CHRM2: variants seen among roughly 807,000 people sequenced by gnomAD.
The protein encoded by CHRM2 is cholinergic receptor muscarinic 2, also known as muscarinic acetylcholine receptor M2.
CHRM2 carries 8 observed loss-of-function variants against 25.0 expected under a neutral mutation model. That is an observed-to-expected ratio of 0.32 (90% confidence interval 0.19 to 0.58). CHRM2 has a LOEUF of 0.58. CHRM2 is among the 20% of genes least tolerant of loss of function. The pLI is 0.88. For synonymous variants in CHRM2, 202 were observed against 205.7 expected (o/e 0.98, Z 0.15); for missense variants, 440 against 567.1 (o/e 0.78, Z 2.28).
intron 2 of CHRM2, among the ~76,000 whole-genome samples, chr7:136,932,072 T>C (rs1212642515): frequency 6.6e-6 from 1 of 152,148 alleles, no homozygotes; most frequent in Non-Finnish European, 1.5e-5. Flanking sequence ...AGGTTGTATT[T>C]GGTGGGATAA....
At chr7:136,943,441 G>A (rs1363838631) in intron 2 of CHRM2, among the ~76,000 whole-genome samples, 2 of 152,116 alleles carry the variant, frequency 1.3e-5, no homozygotes, top group Non-Finnish European at 2.9e-5. Context: ...TTCTGTCACT[G>A]GAATAGCATT....
At chr7:136,944,038 C>T (rs1799922019) in intron 2 of CHRM2, among the ~76,000 whole-genome samples, 1 of 152,148 alleles carries the variant, frequency 6.6e-6, no homozygotes, top group Non-Finnish European at 1.5e-5. Flanking sequence ...TTATTGACCA[C>T]AGCTGCACTA....
intron 2 of CHRM2, among the ~76,000 whole-genome samples, chr7:136,987,017 C>G (rs937509146): frequency 6.6e-6 from 1 of 152,196 alleles, no homozygotes; most frequent in African/African-American, 2.4e-5. Flanking sequence ...CAGGCAAAAC[C>G]TGAACGAACC....
intron 2 of CHRM2, among the ~76,000 whole-genome samples, chr7:136,976,718 C>G (rs952393192): frequency 6.6e-6 from 1 of 151,994 alleles, no homozygotes; most frequent in East Asian, 1.9e-4. Flanking sequence ...TGCAGGTGAC[C>G]CTTTGGTTTT....
intron 2 of CHRM2, among the ~76,000 whole-genome samples, chr7:136,896,315 G>T (rs533998950): frequency 6.6e-6 from 1 of 152,244 alleles, no homozygotes; most frequent in South Asian, 2.1e-4. Flanking sequence ...ACAAATTTCT[G>T]ATTTCTCAAT....
chr7:136,889,128 C>G (rs929776879), intron 2 of CHRM2, among the ~76,000 whole-genome samples: 3 of 147,494 alleles, frequency 2.0e-5, no homozygotes, highest in Non-Finnish European at 3.0e-5. Flanking sequence ...TCAATTTGTA[C>G]TGTCTCCATT....
chr7:136,926,797 A>G (rs761962653), intron 2 of CHRM2, among the ~76,000 whole-genome samples: 3 of 152,182 alleles, frequency 2.0e-5, no homozygotes, highest in Non-Finnish European at 2.9e-5. Flanking sequence ...TGTGCTTGCA[A>G]TGCCTCCTGA....
chr7:136,938,203 A>AC (rs1430987811), intron 2 of CHRM2: 1 of 756,536 alleles, frequency 1.3e-6, no homozygotes, highest in Admixed American at 1.7e-5. Context: ...ACAGCAGGTT[A>AC]CTTCTCACTC....
At chr7:136,960,544 G>A (rs768064245) in intron 2 of CHRM2, among the ~76,000 whole-genome samples, 2 of 152,218 alleles carry the variant, frequency 1.3e-5, no homozygotes, top group Non-Finnish European at 2.9e-5. Flanking sequence ...GTAAACTGGA[G>A]TAGACTAAGT....
intron 2 of CHRM2, among the ~76,000 whole-genome samples, chr7:136,959,792 T>A (rs1268025586): frequency 2.0e-5 from 3 of 152,100 alleles, no homozygotes; most frequent in Non-Finnish European, 4.4e-5. Context: ...ATGCCTGTAA[T>A]CCCAGCTACT....
chr7:136,960,579 C>T (rs1239183493), intron 2 of CHRM2, among the ~76,000 whole-genome samples: 1 of 152,178 alleles, frequency 6.6e-6, no homozygotes, highest in African/African-American at 2.4e-5. Flanking sequence ...AGAGTAACTG[C>T]TTAACTATAA....
chr7:137,000,053 G>C (rs1803881029), intron 3 of CHRM2, among the ~76,000 whole-genome samples: 1 of 152,010 alleles, frequency 6.6e-6, no homozygotes, highest in African/African-American at 2.4e-5. Context: ...TTGCACAGAT[G>C]ACAATTTTAC....
intron 3 of CHRM2, among the ~76,000 whole-genome samples, chr7:136,997,099 C>A (rs1482991228): frequency 1.3e-5 from 2 of 152,270 alleles, no homozygotes; most frequent in East Asian, 3.9e-4. Flanking sequence ...TTAACTTATG[C>A]CAGCTTCCTT....
At chr7:136,980,820 A>T (rs1802437038) in intron 2 of CHRM2, among the ~76,000 whole-genome samples, 1 of 152,078 alleles carries the variant, frequency 6.6e-6, no homozygotes, top group Admixed American at 6.6e-5. Context: ...TAAGCTTTTT[A>T]ACGTGCTGCT....
At chr7:136,888,706 G>A (rs1430924827) in intron 2 of CHRM2, among the ~76,000 whole-genome samples, 3 of 152,074 alleles carry the variant, frequency 2.0e-5, no homozygotes, top group Non-Finnish European at 4.4e-5. Flanking sequence ...AGTTATTCTT[G>A]TTAATAAAAC....
At chr7:136,992,548 C>T (rs1371622187) in intron 3 of CHRM2, among the ~76,000 whole-genome samples, 1 of 152,124 alleles carries the variant, frequency 6.6e-6, no homozygotes, top group African/African-American at 2.4e-5. Flanking sequence ...ATGTTCTACA[C>T]CCTACCGTAA....
intron 3 of CHRM2, among the ~76,000 whole-genome samples, chr7:136,992,715 T>C (rs1398378965): frequency 1.3e-5 from 2 of 152,138 alleles, no homozygotes; most frequent in Non-Finnish European, 2.9e-5. Flanking sequence ...GTAACAAGGA[T>C]TGACTGACTC....
Position 137,015,324 on chromosome 7 carries a change from C to T in CHRM2, c.459C>T (p.Ile153=). The change falls in exon 4 of 4, where the codon ATC becomes ATT. Residue 153 remains isoleucine (I), a synonymous_variant. Transcript: ENST00000680005. This position sits in a 1 kb window ranked among gnomAD's most constrained non-coding sequence, Gnocchi z 5.1. ...MIAAAWVLSF[I]LWAPAILFWQ... Reference sequence around the variant, plus strand: ...CAGCTGCCTGGGTCCTCTCTTTCATCCTCTGGGCTCCAGCCATTCTCTTCT... The same window carrying T: ...CAGCTGCCTGGGTCCTCTCTTTCATTCTCTGGGCTCCAGCCATTCTCTTCT... 6 of 1,613,404 alleles carry T rather than the reference C, an allele frequency of 3.7e-6. No homozygotes were observed. Among genetic ancestry groups the T allele is most frequent in the Non-Finnish European group, 5.1e-6 (6 of 1,179,658 alleles).
intron 2 of CHRM2, among the ~76,000 whole-genome samples, chr7:136,930,927 A>AAAAAAAAAAAAAAAAAAAAAAG (rs1290104978): frequency 7.2e-6 from 1 of 138,604 alleles, no homozygotes; most frequent in Non-Finnish European, 1.5e-5. Flanking sequence ...AAAAAAAAAA[A>AAAAAAAAAAAAAAAAAAAAAAG]GGATAGAAAG....
Sources: gnomAD v4.1 joint callset for allele counts (sites outside exome capture counted in the v4.1 genomes callset) on GRCh38, gnomAD v4.1.1 for gene constraint, Gnocchi (gnomAD v3.1) non-coding constraint, MANE v1.5 for transcripts, NCBI Gene and HGNC (gene_info 2026-07-23, HGNC 2026-07-21) for gene names.